The following PLEC variants were observed in gnomAD, a reference collection of about 807,000 sequenced individuals.
PLEC encodes the protein hemidesmosomal protein 1.
A neutral mutation model predicts 392.8 loss-of-function variants in PLEC; 216 were observed. The ratio of observed to expected loss-of-function variants is 0.55; its 90% CI spans 0.49 to 0.62. The LOEUF (loss-of-function observed/expected upper bound fraction) is 0.62. Among genes scored for constraint, PLEC ranks in the 20% least tolerant of loss-of-function variants. The probability of loss-of-function intolerance (pLI) is 0.00; values close to 1 mark genes in which losing one functional copy is unlikely to be tolerated. For synonymous variants in PLEC, 3,621 were observed against 2,980.6 expected, an observed-to-expected ratio of 1.21 and a Z score of -7.00; for missense variants, 6,863 against 6,563.4, an observed-to-expected ratio of 1.05 and a Z score of -1.58.
At chr8:143,945,285 TC>T in intron 1 of PLEC, 2 of 461,562 alleles carry the variant, frequency 4.3e-6, no homozygotes, top group Non-Finnish European at 8.7e-6. Flanking sequence ...TCTCCTGGGG[TC>T]CCAGGGATCT....
At position 143,918,898 on chromosome 8, in the gene PLEC, G is replaced by C. The variant is rs1586790026; in HGVS notation, c.10923C>G (p.Asp3641Glu). The C allele has an allele frequency of 6.2e-7, 1 of 1,611,910 alleles. No individual in the cohort carries two copies. Among genetic ancestry groups the C allele is most frequent in the East Asian group, 2.2e-5 (1 of 44,862 alleles). The change falls in exon 32 of 32, where the codon GAC (aspartate) becomes GAG (glutamate). Residue 3641 changes from aspartate to glutamate, a missense_variant. By Grantham distance (45) the Asp-to-Glu change is conservative. Transcript: ENST00000345136. Reference sequence around the variant, plus strand: ...CAGCCGTGAGGCGGCGGCGCACGTAGTCGTAGGAGGCCAGACCCTGCTGGC... The same window carrying C: ...CAGCCGTGAGGCGGCGGCGCACGTACTCGTAGGAGGCCAGACCCTGCTGGC... ...IIRQQGLASY[D>E]YVRRRLTAED...
At chr8:143,936,190 G>A (rs1296649781) in intron 5 of PLEC, among the ~76,000 whole-genome samples, 176 bp from the exon 6 acceptor site, 1 of 152,102 alleles carries the variant, frequency 6.6e-6, no homozygotes, top group African/African-American at 2.4e-5. Flanking sequence ...GAAGCTGCTG[G>A]GACTGGCCAT....
rs1554716440 is a variant in PLEC, at chr8:143,932,153, G to A, written c.2059C>T (p.His687Tyr). 1 of 1,611,462 alleles carries A rather than the reference G, an allele frequency of 6.2e-7. No homozygotes were observed. Among genetic ancestry groups the A allele is most frequent in the Non-Finnish European group, 8.5e-7 (1 of 1,179,748 alleles). ...NAGDRLLRED[H>Y]PARPTVESFQ... ...ACCTCCACCGTGGGCCGGGCCGGGTGGTCCTCCCGCAGCAGCCGGTCCCCA... is the reference window on the plus strand; with the variant it reads ...ACCTCCACCGTGGGCCGGGCCGGGTAGTCCTCCCGCAGCAGCCGGTCCCCA... The change falls in exon 17 of 32, where the codon CAC (histidine) becomes TAC (tyrosine). Residue 687 changes from histidine (H) to tyrosine (Y), a missense_variant. His to Tyr is a moderately conservative substitution (Grantham distance 83). Transcript: ENST00000345136.
rs1554681365 is a variant in PLEC, at chr8:143,920,306, G to A, written c.9515C>T (p.Ser3172Leu). 9.4e-6 allele frequency: 15 copies of A among 1,590,074 alleles called. No homozygotes were observed. The highest frequency in any genetic ancestry group is 5.6e-5 in the South Asian group (5 of 89,682). Residue 3172 changes from serine (S) to leucine (L), a missense_variant, in exon 32 of 32, where the codon TCG becomes TTG. By Grantham distance (145) the Ser-to-Leu change is moderately radical (BLOSUM62 -2). Transcript: ENST00000345136. ...GGCCTTGGCGTCGGCCCTTGGTGCCGACAGGGCCCTGCTGGTCTCCTCATC... is the reference window on the plus strand; with the variant it reads ...GGCCTTGGCGTCGGCCCTTGGTGCCAACAGGGCCCTGCTGGTCTCCTCATC... ...CLDEETSRAL[S>L]APRADAKAYS...
Position 143,926,999 on chromosome 8 carries a change from C to A in PLEC, c.3923G>T (p.Gly1308Val). The change falls in exon 29 of 32, where the codon GGA becomes GTA. Residue 1308 changes from glycine (G) to valine (V), a missense_variant. Transcript: ENST00000345136. The stretch of plus-strand genomic sequence containing the variant: ...TACCTCCTGGATGACACTCTCTGAT[C>A]CCGACTGGACCTTGGGCTTCTTGGC... ...SPAKKPKVQS[G>V]SESVIQEYVD... The A allele has an allele frequency of 5.0e-6, 8 of 1,613,176 alleles. No homozygotes were observed. Among genetic ancestry groups the A allele is most frequent in the Non-Finnish European group, 6.8e-6 (8 of 1,179,942 alleles).
chr8:143,931,847 G>A (rs1455162242), intron 18 of PLEC, 90 bp downstream of exon 18: 5 of 1,424,400 alleles, frequency 3.5e-6, no homozygotes, highest in Non-Finnish European at 4.8e-6. Context: ...CTGCAGACAG[G>A]AGGGCTCCTG....
In PLEC at chr8:143,932,214, C is replaced by T; in HGVS notation, c.1998G>A (p.Glu666=). 1 of 1,612,352 alleles carries T rather than the reference C, an allele frequency of 6.2e-7. No homozygotes were observed. The highest frequency in any genetic ancestry group is 2.2e-5 in the East Asian group (1 of 44,876). ...ESYSALMREL[E]LKEKKIKELQ... is the part of the protein sequence containing the mutation. ...GCTCCTTGATCTTCTTCTCCTTCAG[C>T]TCCAGCTCCCGCATCAGCGCCTGGC... Residue 666 remains glutamate, a synonymous_variant, in exon 17 of 32, where the codon GAG becomes GAA. Coordinates refer to ENST00000345136, the MANE Select transcript of PLEC (RefSeq NM_201384.3).
chr8:143,927,728 G>C lies in PLEC; in HGVS notation c.3438C>G (p.Phe1146Leu), dbSNP rs781833275. Residue 1146 changes from phenylalanine to leucine, a missense_variant, in exon 27 of 32, where the codon TTC (phenylalanine) becomes TTG (leucine). Transcript: ENST00000345136. ...CCCGCAGCTCATCCCGCAGGGCGTC[G>C]AACGTGGGCTGCTGTGCCTCGGCCT... ...RAQAEAQQPTFDALRDELRGA... is the reference protein window; with the variant it reads ...RAQAEAQQPTLDALRDELRGA... 1.6e-5 allele frequency: 25 copies of C among 1,594,488 alleles called. No individual in the cohort carries two copies. Among genetic ancestry groups the C allele is most frequent in the Non-Finnish European group, 2.0e-5 (23 of 1,169,514 alleles).
At position 143,919,801 on chromosome 8, in the gene PLEC, G is replaced by A. The variant is rs371577313; in HGVS notation, c.10020C>T (p.Asp3340=). 85 of 1,612,860 alleles carry A rather than the reference G, an allele frequency of 5.3e-5. No individual in the cohort carries two copies. The highest frequency in any genetic ancestry group is 6.9e-5 in the Non-Finnish European group (81 of 1,180,016). Residue 3340 remains aspartate, a synonymous_variant, in exon 32 of 32, where the codon GAC becomes GAT. Transcript: ENST00000345136. ...TCCGCACGGAGCCCAGCTCCGAAAG[G>A]TCCTTGACCGTCGTCTTGCCGTCCT... is the stretch of plus-strand genomic sequence containing the variant. ...QLKDGKTTVK[D]LSELGSVRTL... is the part of the protein sequence containing the mutation.
chr8:143,929,237 C>A lies in PLEC; in HGVS notation c.3126G>T (p.Arg1042=), dbSNP rs1554710494. The change falls in exon 25 of 32, where the codon CGG becomes CGT. Residue 1042 remains arginine, a synonymous_variant. Coordinates refer to ENST00000345136, the MANE Select transcript of PLEC (RefSeq NM_201384.3). ...EVEGLGKGVA[R]LSAEAEKVLA... is the part of the protein sequence containing the mutation. ...AGACCTTCTCGGCCTCGGCAGAGAG[C>A]CGGGCGACCCCCTTGCCCAGCCCCT... 6.2e-7 allele frequency: 1 copy of A among 1,602,040 alleles called. No homozygotes were observed. Among genetic ancestry groups the A allele is most frequent in the Non-Finnish European group, 8.5e-7 (1 of 1,179,254 alleles).
At chr8:143,939,615 C>T, upstream of PLEC, 6 of 1,472,558 alleles carry the variant, frequency 4.1e-6, no homozygotes, top group Non-Finnish European at 5.4e-6. Flanking sequence ...GCGGCCACTC[C>T]CTGCCTGCTG....
rs1554673796 is a variant in PLEC, at chr8:143,918,041, T to A, written c.11780A>T (p.Lys3927Met). 2 of 1,607,792 alleles carry A rather than the reference T, an allele frequency of 1.2e-6. No homozygotes were observed. Among genetic ancestry groups the A allele is most frequent in the Non-Finnish European group, 8.5e-7 (1 of 1,178,372 alleles). ...GATGCAGCTGGTGCCTTCCAGGAAC[T>A]TCTGCAAGTTCTTGGTGACCTCCTC... ...SIEEVTKNLQ[K>M]FLEGTSCIAG... Residue 3927 changes from lysine to methionine, a missense_variant, in exon 32 of 32, where the codon AAG becomes ATG. Transcript: ENST00000345136.
At chr8:143,973,609 C>CGGGCGGGGCG (rs568200436), upstream of PLEC, 1 of 838,600 alleles carries the variant, frequency 1.2e-6, no homozygotes, top group East Asian at 1.2e-4. This position sits in a 1 kb window ranked among gnomAD's most constrained non-coding sequence, Gnocchi z 5.6. Flanking sequence ...GGATGCCCCA[C>CGGGCGGGGCG]GGGCGGGGCG....
At chr8:143,930,693 G>T (rs896965728) in intron 19 of PLEC, among the ~76,000 whole-genome samples, 157 bp from the exon 20 acceptor site, 1 of 152,086 alleles carries the variant, frequency 6.6e-6, no homozygotes, top group East Asian at 1.9e-4. Flanking sequence ...AGGCCCCGGG[G>T]GTTGGCCCCA....
chr8:143,939,702 G>C, upstream of PLEC: 1 of 1,334,156 alleles, frequency 7.5e-7, no homozygotes. Context: ...GTGTCCCGGC[G>C]GGAAGGAGCA....
Position 143,935,435 on chromosome 8 carries a change from C to A in PLEC, c.603-122G>T, listed in dbSNP as rs1316914674. ...ACCATGGACCCCCCCAACACTCACCCTGAAAAATACACTGTCACATGGGCA... is the reference window on the plus strand; with the variant it reads ...ACCATGGACCCCCCCAACACTCACCATGAAAAATACACTGTCACATGGGCA... On this transcript the variant is annotated intron_variant, in intron 6 of 31. Coordinates refer to ENST00000345136, the MANE Select transcript of PLEC (RefSeq NM_201384.3). 1.1e-5 allele frequency: 8 copies of A among 735,246 alleles called. No homozygotes were observed. In the East Asian group the frequency reaches 2.1e-4, roughly 20 times the overall value. 45.5% of individuals were successfully genotyped at this position (735,246 alleles called of 1,614,324 possible). A position where few individuals can be genotyped will look rare whatever the true frequency, so the allele number is the denominator to read the frequency against.
intron 1 of PLEC, chr8:143,945,329 G>C: frequency 2.6e-6 from 1 of 385,488 alleles, no homozygotes; most frequent in Middle Eastern, 3.7e-4. Flanking sequence ...GCCACGGCAG[G>C]AGACTGGCCT....
At chr8:143,967,150 T>C (rs1554742509) in intron 1 of PLEC, among the ~76,000 whole-genome samples, 1 of 151,358 alleles carries the variant, frequency 6.6e-6, no homozygotes, top group East Asian at 2.0e-4. Flanking sequence ...GATCACGAGG[T>C]CAGGAGATCG....
In PLEC at chr8:143,924,708, G is replaced by A. The variant is rs901180742; in HGVS notation, c.5221C>T (p.Arg1741Cys). 2.0e-5 allele frequency: 30 copies of A among 1,533,552 alleles called. No individual in the cohort carries two copies. The East Asian group carries it at 2.0e-4, about 10-fold the overall frequency. 95.0% of individuals were successfully genotyped at this position (1,533,552 alleles called of 1,614,324 possible). A position where few individuals can be genotyped will look rare whatever the true frequency, so the allele number is the denominator to read the frequency against. Residue 1741 changes from arginine (R) to cysteine (C), a missense_variant, in exon 31 of 32, where the codon CGT becomes TGT. Physicochemically the swap from Arg to Cys is radical, Grantham distance 180. Coordinates refer to ENST00000345136, the MANE Select transcript of PLEC (RefSeq NM_201384.3). The stretch of plus-strand genomic sequence containing the variant: ...TTCTGCGTGGCTGCAGCCGCCTCAC[G>A]CTGCAGCCGGGCCAGCTCCTCCTCC... ...LLEEELARLQ[R>C]EAAAATQKRQ... is the part of the protein sequence containing the mutation.
Sources: gnomAD v4.1 joint callset for allele counts (sites outside exome capture counted in the v4.1 genomes callset) on GRCh38, gnomAD v4.1.1 for gene constraint, Gnocchi (gnomAD v3.1) non-coding constraint, MANE v1.5 for transcripts, NCBI Gene and HGNC (gene_info 2026-07-23, HGNC 2026-07-21) for gene names.